FLVCR2: variants seen among roughly 807,000 people sequenced by gnomAD.
The protein encoded by FLVCR2 is choline/ethanolamine transporter FLVCR2.
A neutral mutation model predicts 48.9 loss-of-function variants in FLVCR2; 38 were observed. The ratio of observed to expected loss-of-function variants is 0.78; its 90% CI spans 0.60 to 1.02. The LOEUF is 1.02. Ranked by LOEUF, FLVCR2 falls within the 50% of genes least tolerant of loss-of-function variation. The pLI is 0.00. For synonymous variants in FLVCR2, 255 were observed against 257.0 expected (o/e 0.99, Z 0.07); for missense variants, 664 against 663.3 (o/e 1.00, Z -0.01).
At position 75,579,044 on chromosome 14, in the gene FLVCR2, C is replaced by T. The variant is rs1888525341; in HGVS notation, c.72C>T (p.Asp24=). 1 of 1,613,432 alleles carries T rather than the reference C, an allele frequency of 6.2e-7. No homozygotes were observed. Residue 24 remains aspartate, a synonymous_variant, in exon 1 of 10, where the codon GAC becomes GAT. Coordinates refer to ENST00000238667, the MANE Select transcript of FLVCR2 (RefSeq NM_017791.3). ...TGCCGGAGTCCGCACTCCAAGCGGA[C>T]CCCAGCGTCTCGGTCCATCCCAGCG... is the stretch of plus-strand genomic sequence containing the variant. ...TPVPESALQA[D]PSVSVHPSVS...
chr14:75,579,300 AACATCTTCATGC>A lies in FLVCR2; in HGVS notation c.331_342del (p.Ile111_His114del). The A allele has an allele frequency of 6.2e-7, 1 of 1,614,168 alleles. No individual in the cohort carries two copies. Among genetic ancestry groups the A allele is most frequent in the Non-Finnish European group, 8.5e-7 (1 of 1,180,026 alleles). On this transcript the variant is annotated inframe_deletion, in exon 1 of 10. Coordinates refer to ENST00000238667, the MANE Select transcript of FLVCR2 (RefSeq NM_017791.3). ...GTGGATCCAGTACGGCTCCATCAAT[AACATCTTCATGC>A]ACTTCTACGGTGTCAGTGCCTTTGC...
chr14:75,587,731 T>C (rs1207237860), intron 1 of FLVCR2, among the ~76,000 whole-genome samples: 3 of 152,208 alleles, frequency 2.0e-5, no homozygotes, highest in Non-Finnish European at 4.4e-5. Context: ...GCACACATTG[T>C]TACTGTGCAA....
At chr14:75,611,996 C>T (rs1889467206) in intron 1 of FLVCR2, among the ~76,000 whole-genome samples, 1 of 152,068 alleles carries the variant, frequency 6.6e-6, no homozygotes, top group Admixed American at 6.5e-5. Flanking sequence ...TGAAGTTTAG[C>T]CTCATCGCTT....
intron 1 of FLVCR2, among the ~76,000 whole-genome samples, chr14:75,596,743 A>G (rs1889029808): frequency 6.6e-6 from 1 of 151,782 alleles, no homozygotes; most frequent in South Asian, 2.1e-4. Context: ...CATCGTCAAT[A>G]AAAAATCTGT....
chr14:75,625,401 C>T (rs765623486), intron 3 of FLVCR2, among the ~76,000 whole-genome samples: 7 of 151,830 alleles, frequency 4.6e-5, no homozygotes, highest in Non-Finnish European at 7.3e-5. Context: ...TTTCTTTCCC[C>T]GCATGGTGTT....
chr14:75,634,855 C>G, intron 4 of FLVCR2, 55 bp from the exon 5 acceptor site: 1 of 1,201,802 alleles, frequency 8.3e-7, no homozygotes, highest in Non-Finnish European at 1.2e-6. Context: ...TGACTGTGCT[C>G]TGTCCTGGGT....
At chr14:75,595,851 C>T (rs1026565513) in intron 1 of FLVCR2, 3 of 972,888 alleles carry the variant, frequency 3.1e-6, no homozygotes, top group East Asian at 2.4e-5. Context: ...CTTTGCAGTC[C>T]CCCTGACTTT....
At chr14:75,580,762 T>A (rs1225564186) in intron 1 of FLVCR2, among the ~76,000 whole-genome samples, 2 of 152,122 alleles carry the variant, frequency 1.3e-5, no homozygotes, top group Non-Finnish European at 2.9e-5. Context: ...ACAAAGTACA[T>A]TGATCAATTA....
At chr14:75,590,973 T>C (rs1368827470) in intron 1 of FLVCR2, among the ~76,000 whole-genome samples, 1 of 152,272 alleles carries the variant, frequency 6.6e-6, no homozygotes, top group Admixed American at 6.5e-5. Flanking sequence ...AGGCACATAC[T>C]TTCCAGGTAT....
chr14:75,642,933 C>T (rs1223706182), intron 9 of FLVCR2, among the ~76,000 whole-genome samples: 1 of 152,216 alleles, frequency 6.6e-6, no homozygotes, highest in East Asian at 1.9e-4. Context: ...ACAATCTCAG[C>T]TCACTGCAGC....
intron 1 of FLVCR2, among the ~76,000 whole-genome samples, chr14:75,607,136 T>C (rs955599538): frequency 1.3e-5 from 2 of 152,196 alleles, no homozygotes; most frequent in African/African-American, 4.8e-5. Context: ...TCCAGCAGGA[T>C]ACCTGTCCTC....
chr14:75,626,487 C>G (rs1889903677), intron 3 of FLVCR2, among the ~76,000 whole-genome samples: 1 of 151,852 alleles, frequency 6.6e-6, no homozygotes, highest in Non-Finnish European at 1.5e-5. Flanking sequence ...ATTAGGTGAC[C>G]TTTCATCTGG....
At position 75,619,910 on chromosome 14, in the gene FLVCR2, G is replaced by A. The variant is rs1889721153; in HGVS notation, c.670-2169G>A. ...GAGGGCATACAGTGTAGCACCAGCTGGGAGGATTTCTTTAATGGGGCAGAA... is the reference window on the plus strand; with the variant it reads ...GAGGGCATACAGTGTAGCACCAGCTAGGAGGATTTCTTTAATGGGGCAGAA... On this transcript the variant is annotated intron_variant, in intron 1 of 9. Transcript: ENST00000238667. 1.3e-5 allele frequency among the ~76,000 whole-genome samples: 2 copies of A among 152,212 alleles called. 1 individual carries two copies. Among genetic ancestry groups the A allele is most frequent in the South Asian group, 4.1e-4 (2 of 4,824 alleles).
At chr14:75,643,978 C>T (rs1006322156) in intron 9 of FLVCR2, among the ~76,000 whole-genome samples, 9 of 148,504 alleles carry the variant, frequency 6.1e-5, no homozygotes, top group Middle Eastern at 3.5e-3. Flanking sequence ...GTGGAGGTTG[C>T]GGTAAGCTGA....
At chr14:75,646,065 G>C (rs906236442) in intron 9 of FLVCR2, among the ~76,000 whole-genome samples, 9 of 152,072 alleles carry the variant, frequency 5.9e-5, no homozygotes, top group South Asian at 2.1e-4. Context: ...TCAGAATGTG[G>C]AGGGAAAAGG....
intron 1 of FLVCR2, among the ~76,000 whole-genome samples, chr14:75,583,166 A>C (rs1888654766): frequency 6.6e-6 from 1 of 152,160 alleles, no homozygotes; most frequent in African/African-American, 2.4e-5. Context: ...AGAACAGAAT[A>C]ATCGGTTATG....
intron 1 of FLVCR2, among the ~76,000 whole-genome samples, chr14:75,601,811 GTGTGTA>G (rs1331929992): frequency 1.3e-5 from 2 of 152,126 alleles, no homozygotes; most frequent in African/African-American, 2.4e-5. Context: ...AAAATGTAGT[GTGTGTA>G]TGTGTATGTA....
chr14:75,641,100 G>A (rs1890298586), intron 7 of FLVCR2, 40 bp downstream of exon 7: 1 of 1,575,298 alleles, frequency 6.3e-7, no homozygotes, highest in Non-Finnish European at 8.7e-7. Flanking sequence ...GGCTGGGAAG[G>A]CATTGCATCA....
chr14:75,595,662 T>C (rs943016289), intron 1 of FLVCR2: 3 of 584,616 alleles, frequency 5.1e-6, no homozygotes, highest in Non-Finnish European at 9.1e-6. Context: ...TTGTTATTGC[T>C]ATTGACAGCA....
Sources: allele counts gnomAD v4.1 joint callset (sites outside exome capture counted in the v4.1 genomes callset), GRCh38; gene constraint gnomAD v4.1.1; transcripts MANE v1.5; gene names NCBI Gene and HGNC (gene_info 2026-07-23, HGNC 2026-07-21).